The following PALLD variants were observed in gnomAD, a reference collection of about 807,000 sequenced individuals.
PALLD encodes the protein palladin, cytoskeletal associated protein.
Under a neutral mutation model 123.5 loss-of-function variants are expected in PALLD, and 61 were observed. The ratio of observed to expected loss-of-function variants is 0.49; its 90% CI spans 0.40 to 0.61. The LOEUF (loss-of-function observed/expected upper bound fraction) is 0.61. PALLD is among the 20% of genes least tolerant of loss of function. The pLI is 0.00. For synonymous variants in PALLD, 465 were observed against 496.4 expected, an observed-to-expected ratio of 0.94 and a Z score of 0.84; for missense variants, 1,273 against 1,377.0, an observed-to-expected ratio of 0.92 and a Z score of 1.20.
rs538305913 is a variant in PALLD at position 168,630,252 on chromosome 4, G to A, written c.909-37938G>A. On this transcript the variant is annotated intron_variant, in intron 2 of 21. Coordinates refer to ENST00000505667, the MANE Select transcript of PALLD (RefSeq NM_001166108.2). ...TGCCTTTCAGATAAACGAAGTATTC[G>A]GCTCTTGTTATTCAATGACCCTAAT... Among the ~76,000 whole-genome samples the A allele has an allele frequency of 4.6e-5, 7 of 152,252 alleles. No individual in the cohort carries two copies. In the South Asian group the frequency reaches 8.3e-4, roughly 18 times the overall value.
At chr4:168,576,922 G>A (rs1769671525) in intron 2 of PALLD, among the ~76,000 whole-genome samples, 2 of 151,932 alleles carry the variant, frequency 1.3e-5, no homozygotes, top group Non-Finnish European at 2.9e-5. Context: ...AAAAAGTCAG[G>A]AAAAAACAGG....
At chr4:168,741,820 C>T (rs1430728822) in intron 10 of PALLD, among the ~76,000 whole-genome samples, 3 of 152,146 alleles carry the variant, frequency 2.0e-5, no homozygotes, top group Non-Finnish European at 4.4e-5. Context: ...TGGAAAGCTC[C>T]TATTGGACAA....
At chr4:168,632,332 G>A (rs951460178) in intron 2 of PALLD, among the ~76,000 whole-genome samples, 1 of 152,142 alleles carries the variant, frequency 6.6e-6, no homozygotes, top group African/African-American at 2.4e-5. Context: ...GAAATAGAAG[G>A]AAACTTTCAC....
At chr4:168,524,650 A>G (rs560897642) in intron 2 of PALLD, among the ~76,000 whole-genome samples, 8 of 152,178 alleles carry the variant, frequency 5.3e-5, no homozygotes, top group Non-Finnish European at 1.2e-4. Context: ...GATCTGTCTC[A>G]ATGGAGTTTG....
chr4:168,765,638 T>C lies in PALLD; in HGVS notation c.1964+53715T>C, dbSNP rs1733560471. 2.6e-5 allele frequency among the ~76,000 whole-genome samples: 4 copies of C among 152,322 alleles called. No homozygotes were observed. In the South Asian group the frequency reaches 8.3e-4, roughly 32 times the overall value. ...AAGCTAACTTACTGTTTGCCACAGA[T>C]TGTAACCTCTTTCCCAAAGAACAGA... On this transcript the variant is annotated intron_variant, in intron 10 of 21. Coordinates refer to ENST00000505667, the MANE Select transcript of PALLD (RefSeq NM_001166108.2).
chr4:168,883,046 C>T lies in PALLD; in HGVS notation c.1965-7876C>T, dbSNP rs192329823. ...GTGAGGTTGCAGTGAGCTGAGATTG[C>T]GCCATTGCATTCCAGCCTGGTGACA... On this transcript the variant is annotated intron_variant, in intron 10 of 21. Transcript: ENST00000505667. Among the ~76,000 whole-genome samples, 11 of 150,080 alleles carry T rather than the reference C, an allele frequency of 7.3e-5. No individual in the cohort carries two copies. In the East Asian group the frequency reaches 9.8e-4, roughly 13 times the overall value.
intron 10 of PALLD, among the ~76,000 whole-genome samples, chr4:168,872,511 A>G (rs1581846695): frequency 6.6e-6 from 1 of 152,222 alleles, no homozygotes; most frequent in East Asian, 1.9e-4. Context: ...CCAAGCAGTA[A>G]TCAATTTTAA....
In PALLD at chr4:168,652,288, G is replaced by A. The variant is rs1451401988; in HGVS notation, c.909-15902G>A. On this transcript the variant is annotated intron_variant, in intron 2 of 21. Transcript: ENST00000505667. The stretch of plus-strand genomic sequence containing the variant: ...AAAGGATATAAAAATGGAGGAAGGG[G>A]TGGGATATTCAGGAAACTACCAAAA... Among the ~76,000 whole-genome samples, 7 of 152,228 alleles carry A rather than the reference G, an allele frequency of 4.6e-5. No homozygotes were observed. In the South Asian group the frequency reaches 1.0e-3, roughly 23 times the overall value.
chr4:168,677,394 G>A (rs1490050807), intron 3 of PALLD, among the ~76,000 whole-genome samples: 2 of 152,128 alleles, frequency 1.3e-5, no homozygotes, highest in African/African-American at 4.8e-5. Flanking sequence ...GCAAAAGCTA[G>A]CAAATGTGTG....
At chr4:168,567,569 A>G (rs201422234) in intron 2 of PALLD, among the ~76,000 whole-genome samples, 15 of 74,440 alleles carry the variant, frequency 2.0e-4, no homozygotes, top group South Asian at 4.1e-4. Context: ...GTGTGTGTGT[A>G]TGTAGATATA....
intron 2 of PALLD, among the ~76,000 whole-genome samples, chr4:168,585,056 G>A (rs1317996763): frequency 5.3e-5 from 8 of 152,100 alleles, no homozygotes; most frequent in Non-Finnish European, 1.2e-4. Flanking sequence ...TAACTGACAA[G>A]AAGATAGATA....
intron 10 of PALLD, among the ~76,000 whole-genome samples, chr4:168,791,070 G>A (rs1441327226): frequency 6.6e-6 from 1 of 152,056 alleles, no homozygotes; most frequent in Non-Finnish European, 1.5e-5. Context: ...TGGCATCCAA[G>A]ACCACAGGAA....
chr4:168,766,329 A>G (rs1397779154), intron 10 of PALLD, among the ~76,000 whole-genome samples: 1 of 152,174 alleles, frequency 6.6e-6, no homozygotes, highest in Admixed American at 6.5e-5. Context: ...TTTCTTAATA[A>G]ACTTGCTTTC....
intron 2 of PALLD, among the ~76,000 whole-genome samples, chr4:168,651,908 A>G (rs1284384758): frequency 6.6e-6 from 1 of 152,246 alleles, no homozygotes; most frequent in African/African-American, 2.4e-5. Context: ...GTGATTCTGT[A>G]CAACCAACTG....
At chr4:168,610,143 C>T (rs1178733632) in intron 2 of PALLD, among the ~76,000 whole-genome samples, 2 of 152,192 alleles carry the variant, frequency 1.3e-5, no homozygotes, top group Admixed American at 6.5e-5. Context: ...ATTTGATATG[C>T]TTATTTTAAT....
rs587780200 is a variant in PALLD at position 168,913,955 on chromosome 4, T to C, written c.2651T>C (p.Met884Thr). The C allele has an allele frequency of 3.8e-5, 61 of 1,613,006 alleles. No homozygotes were observed. Among genetic ancestry groups the C allele is most frequent in the Non-Finnish European group, 5.1e-5 (60 of 1,179,050 alleles). ...QGRISCTGRL[M>T]VQAVNQRGRS... The stretch of plus-strand genomic sequence containing the variant: ...CGCATCAGTTGTACTGGACGGCTAA[T>C]GGTACAGGCTGTCAACCAAAGAGGT... Residue 884 changes from methionine to threonine, a missense_variant, in exon 16 of 22, where the codon ATG becomes ACG. Transcript: ENST00000505667.
intron 2 of PALLD, among the ~76,000 whole-genome samples, chr4:168,614,022 G>A (rs1386980646): frequency 2.0e-5 from 3 of 152,190 alleles, no homozygotes; most frequent in Non-Finnish European, 4.4e-5. Flanking sequence ...GGTTTCGACT[G>A]TTCTTTCTCT....
At chr4:168,572,538 G>C (rs901875899) in intron 2 of PALLD, among the ~76,000 whole-genome samples, 48 of 151,964 alleles carry the variant, frequency 3.2e-4, no homozygotes, top group Non-Finnish European at 8.8e-5. Context: ...AGGTGTGGAC[G>C]TTTAATAGGC....
At chr4:168,719,252 CTTTTTTTTTTTTT>C (rs869040811) in intron 10 of PALLD, among the ~76,000 whole-genome samples, 5 of 85,698 alleles carry the variant, frequency 5.8e-5, no homozygotes, top group African/African-American at 1.9e-4. Flanking sequence ...AAGTAATCTT[CTTTTTTTTTTTTT>C]TTTTTTTTTT....
Sources: gnomAD v4.1 joint callset for allele counts (sites outside exome capture counted in the v4.1 genomes callset) on GRCh38, gnomAD v4.1.1 for gene constraint, MANE v1.5 for transcripts, NCBI Gene and HGNC (gene_info 2026-07-23, HGNC 2026-07-21) for gene names.